The following KDM7A variants were observed in gnomAD, a reference collection of about 807,000 sequenced individuals.
KDM7A encodes lysine-specific demethylase 7A.
In KDM7A, 28 loss-of-function variants were observed where a neutral mutation model predicts 114.8. The ratio of observed to expected loss-of-function variants is 0.24; its 90% CI spans 0.18 to 0.33. KDM7A has a LOEUF of 0.33. KDM7A is among the 10% of genes least tolerant of loss of function. The probability of loss-of-function intolerance (pLI) is 1.00; values close to 1 mark genes in which losing one functional copy is unlikely to be tolerated. For synonymous variants in KDM7A, 423 were observed against 397.8 expected (o/e 1.06, Z -0.75); for missense variants, 942 against 1,142.5 (o/e 0.82, Z 2.53).
At chr7:140,153,720 T>C (rs988259709) in intron 1 of KDM7A, among the ~76,000 whole-genome samples, 1 of 152,250 alleles carries the variant, frequency 6.6e-6, no homozygotes. Flanking sequence ...CTTCACTAAG[T>C]GCCTCTGGCT....
chr7:140,128,238 A>G (rs1818736005), intron 4 of KDM7A, among the ~76,000 whole-genome samples: 1 of 152,228 alleles, frequency 6.6e-6, no homozygotes, highest in African/African-American at 2.4e-5. Flanking sequence ...AGTGGTGTTT[A>G]CAGACCACTG....
At chr7:140,098,043 G>T (rs535596077) in intron 14 of KDM7A, among the ~76,000 whole-genome samples, 1 of 152,136 alleles carries the variant, frequency 6.6e-6, no homozygotes, top group African/African-American at 2.4e-5. Context: ...ACGCATTCAC[G>T]TAGATAGTGA....
intron 1 of KDM7A, among the ~76,000 whole-genome samples, chr7:140,169,945 ACT>A (rs1350139471): frequency 6.6e-6 from 1 of 152,128 alleles, no homozygotes; most frequent in African/African-American, 2.4e-5. Flanking sequence ...AAATTATAAA[ACT>A]CTTATAAGTG....
intron 12 of KDM7A, 149 bp from the exon 13 acceptor site, chr7:140,100,172 G>A (rs1818178451): frequency 4.3e-6 from 3 of 693,900 alleles, no homozygotes; most frequent in Middle Eastern, 2.5e-4. Flanking sequence ...CAGCAGTATG[G>A]CACTCCAGAG....
At chr7:140,174,200 T>C (rs1562963354) in intron 1 of KDM7A, among the ~76,000 whole-genome samples, 1 of 151,814 alleles carries the variant, frequency 6.6e-6, no homozygotes, top group Non-Finnish European at 1.5e-5. Flanking sequence ...AGAATTAAAC[T>C]TAATAAAAAG....
In KDM7A at chr7:140,091,988, G is replaced by A. The variant is rs778097355; in HGVS notation, c.2547C>T (p.Ser849=). Residue 849 remains serine (S), a synonymous_variant, in exon 19 of 20, where the codon AGC becomes AGT. Coordinates refer to ENST00000397560, the MANE Select transcript of KDM7A (RefSeq NM_030647.2). ...RVQSRNYVDS[S]GSSLQNGKYM... Reference sequence around the variant, plus strand: ...ACTTTCCATTCTGAAGGCTTGAGCCGCTGCTGTCCACATAATTCCTACTTT... The same window carrying A: ...ACTTTCCATTCTGAAGGCTTGAGCCACTGCTGTCCACATAATTCCTACTTT... 16 of 1,613,948 alleles carry A rather than the reference G, an allele frequency of 9.9e-6. No homozygotes were observed. Among genetic ancestry groups the A allele is most frequent in the South Asian group, 4.4e-5 (4 of 91,070 alleles).
At chr7:140,100,070 C>G in intron 12 of KDM7A, 47 bp from the exon 13 acceptor site, 1 of 1,605,396 alleles carries the variant, frequency 6.2e-7, no homozygotes, top group Non-Finnish European at 8.5e-7. Flanking sequence ...CCTCAGGTAG[C>G]CCTGTTCGAC....
Position 140,099,981 on chromosome 7 carries a change from G to C in KDM7A, c.1681C>G (p.Leu561Val). Reference sequence around the variant, plus strand: ...TCAGGTACTGTGGAGGATGGTTGGAGATGTTTGTTGAATTTTCCATTCAGT... The same window carrying C: ...TCAGGTACTGTGGAGGATGGTTGGACATGTTTGTTGAATTTTCCATTCAGT... ...SKLNGKFNKH[L>V]QPSSTVPEWR... Residue 561 changes from leucine to valine, a missense_variant, in exon 13 of 20, where the codon CTC becomes GTC. Physicochemically the swap from Leu to Val is conservative, Grantham distance 32. Around this residue, in one of 4 missense-constraint regions of KDM7A, gnomAD observed 512 missense variants for 576.6 expected, o/e 0.89. Transcript: ENST00000397560. 6.2e-7 allele frequency: 1 copy of C among 1,613,734 alleles called. No individual in the cohort carries two copies. The highest frequency in any genetic ancestry group is 8.5e-7 in the Non-Finnish European group (1 of 1,179,606).
chr7:140,166,092 T>C (rs1444527247), intron 1 of KDM7A, among the ~76,000 whole-genome samples: 3 of 152,116 alleles, frequency 2.0e-5, no homozygotes, highest in Non-Finnish European at 4.4e-5. Context: ...GGTATGTATA[T>C]ATAGGCAAAA....
chr7:140,135,629 T>C (rs917665414), intron 2 of KDM7A, among the ~76,000 whole-genome samples: 10 of 152,338 alleles, frequency 6.6e-5, no homozygotes, highest in African/African-American at 2.2e-4. Context: ...AGATATACCA[T>C]ATTATAATCA....
chr7:140,149,587 C>G (rs2116833830), intron 1 of KDM7A, among the ~76,000 whole-genome samples: 1 of 152,316 alleles, frequency 6.6e-6, no homozygotes, highest in Middle Eastern at 3.4e-3. Context: ...ATTCCTCAGC[C>G]TACTTTCTGC....
At chr7:140,118,284 T>C (rs1818563447) in intron 9 of KDM7A, among the ~76,000 whole-genome samples, 1 of 152,198 alleles carries the variant, frequency 6.6e-6, no homozygotes, top group South Asian at 2.1e-4. Context: ...CCAACTTGAG[T>C]GCTCAAAGAT....
At chr7:140,118,423 T>C (rs1357630754) in intron 9 of KDM7A, among the ~76,000 whole-genome samples, 5 of 150,034 alleles carry the variant, frequency 3.3e-5, no homozygotes, top group Non-Finnish European at 4.5e-5. Context: ...TAACCTGACT[T>C]TTTTTTTTTG....
intron 4 of KDM7A, among the ~76,000 whole-genome samples, chr7:140,128,785 A>C (rs1383040091): frequency 6.6e-6 from 1 of 152,244 alleles, no homozygotes; most frequent in Non-Finnish European, 1.5e-5. Context: ...TTTGGAATCT[A>C]ATCTCAAATA....
chr7:140,106,541 T>C (rs945972474), intron 11 of KDM7A, among the ~76,000 whole-genome samples: 1 of 152,266 alleles, frequency 6.6e-6, no homozygotes, highest in African/African-American at 2.4e-5. Context: ...CATTTCATTA[T>C]GTACCCAGTA....
At chr7:140,165,125 G>A (rs1398603634) in intron 1 of KDM7A, among the ~76,000 whole-genome samples, 1 of 152,062 alleles carries the variant, frequency 6.6e-6, no homozygotes, top group African/African-American at 2.4e-5. Context: ...ATATCCCTGG[G>A]GTTCACAAAA....
intron 11 of KDM7A, among the ~76,000 whole-genome samples, chr7:140,103,652 T>G (rs1818275839): frequency 6.6e-6 from 1 of 152,210 alleles, no homozygotes; most frequent in Non-Finnish European, 1.5e-5. Flanking sequence ...CATCCTTTTT[T>G]TGGCTGCATA....
intron 1 of KDM7A, among the ~76,000 whole-genome samples, chr7:140,170,299 A>G (rs1420542279): frequency 1.3e-5 from 2 of 152,204 alleles, no homozygotes; most frequent in Non-Finnish European, 2.9e-5. Flanking sequence ...ATTAAAGAAA[A>G]TAATTTTGAT....
chr7:140,140,141 G>A (rs1473408382), intron 1 of KDM7A, among the ~76,000 whole-genome samples: 1 of 152,104 alleles, frequency 6.6e-6, no homozygotes, highest in Non-Finnish European at 1.5e-5. Flanking sequence ...TTTAATGACA[G>A]CATAACCTTG....
Sources: allele counts gnomAD v4.1 joint callset (sites outside exome capture counted in the v4.1 genomes callset), GRCh38; gene constraint gnomAD v4.1.1; regional missense constraint gnomAD v4.1.1; transcripts MANE v1.5; gene names NCBI Gene and HGNC (gene_info 2026-07-23, HGNC 2026-07-21).